Variants in PKP2 observed in about 807,000 individuals in gnomAD.
PKP2 encodes plakophilin 2, also known as plakophilin-2.
Under a neutral mutation model 83.4 loss-of-function variants are expected in PKP2, and 73 were observed. The ratio of observed to expected loss-of-function variants is 0.88; its 90% CI spans 0.72 to 1.06. The LOEUF is 1.06. PKP2 is among the 50% of genes least tolerant of loss of function. PKP2 has a pLI of 0.00. For synonymous variants in PKP2, 409 were observed against 430.4 expected (o/e 0.95, Z 0.62); for missense variants, 966 against 1,065.4 (o/e 0.91, Z 1.30).
At chr12:32,885,157 T>A (rs1157036616) in intron 1 of PKP2, among the ~76,000 whole-genome samples, 1 of 152,210 alleles carries the variant, frequency 6.6e-6, no homozygotes, top group Non-Finnish European at 1.5e-5. Flanking sequence ...GAAGGAGGTC[T>A]GTTTGGATGG....
chr12:32,876,568 C>T (rs1956934146), intron 3 of PKP2, among the ~76,000 whole-genome samples: 1 of 151,724 alleles, frequency 6.6e-6, no homozygotes, highest in Non-Finnish European at 1.5e-5. Flanking sequence ...TCACTGTGTT[C>T]CCCAGGCTGG....
rs556406976 is a variant in PKP2 at position 32,842,985 on chromosome 12, C to CT, written c.1379-1781dup. Among the ~76,000 whole-genome samples, 1,954 of 140,988 alleles carry CT rather than the reference C, an allele frequency of 0.014. 16 individuals carry two copies. Among genetic ancestry groups the CT allele is most frequent in the Middle Eastern group, 0.029 (7 of 242 alleles). The allele number at this position is 140,988 out of a possible 152,430, so 92.5% of individuals were successfully genotyped here. ...ACTGTGCCTGGCCCAGCAATTCCTACTTTTTTTTTTTTGAGACAGAGTCTC... is the reference window on the plus strand; with the variant it reads ...ACTGTGCCTGGCCCAGCAATTCCTACTTTTTTTTTTTTTGAGACAGAGTCTC... On this transcript the variant is annotated intron_variant, in intron 5 of 12. Coordinates refer to ENST00000340811, the MANE Select transcript of PKP2 (RefSeq NM_001005242.3).
Position 32,855,700 on chromosome 12 carries a change from C to T in PKP2, c.1171-4727G>A, listed in dbSNP as rs140152979. 6.0e-3 allele frequency among the ~76,000 whole-genome samples: 824 copies of T among 138,254 alleles called. 10 individuals are homozygous for T. Among genetic ancestry groups the T allele is most frequent in the African/African-American group, 0.021 (768 of 36,764 alleles). The allele number at this position is 138,254 out of a possible 152,430, so 90.7% of individuals were successfully genotyped here. A position where few individuals can be genotyped will look rare whatever the true frequency, so the allele number is the denominator to read the frequency against. On this transcript the variant is annotated intron_variant, in intron 4 of 12. Coordinates refer to ENST00000340811, the MANE Select transcript of PKP2 (RefSeq NM_001005242.3). ...CTGAGGCAGAAGAATTGCTTGAACCCGGGAGGCAGAGGTTGCAGTGAGCCG... is the reference window on the plus strand; with the variant it reads ...CTGAGGCAGAAGAATTGCTTGAACCTGGGAGGCAGAGGTTGCAGTGAGCCG...
At chr12:32,892,916 C>G (rs1957088129) in intron 1 of PKP2, among the ~76,000 whole-genome samples, 1 of 148,728 alleles carries the variant, frequency 6.7e-6, no homozygotes, top group Admixed American at 6.8e-5. Context: ...CCAATACTTG[C>G]AATTCTTAAA....
intron 6 of PKP2, among the ~76,000 whole-genome samples, chr12:32,829,751 C>T (rs1299936775): frequency 6.6e-6 from 1 of 152,042 alleles, no homozygotes; most frequent in Non-Finnish European, 1.5e-5. Flanking sequence ...ACCTCCGCTG[C>T]CCAAGTTCAA....
At chr12:32,806,454 G>A (rs1168733769) in intron 9 of PKP2, among the ~76,000 whole-genome samples, 4 of 152,212 alleles carry the variant, frequency 2.6e-5, no homozygotes, top group African/African-American at 7.2e-5. Flanking sequence ...AGGTGTATGC[G>A]TCCAGGAGTT....
chr12:32,821,869 A>C (rs1306590875), intron 8 of PKP2: 29 of 314,890 alleles, frequency 9.2e-5, no homozygotes, highest in Middle Eastern at 1.1e-3. Context: ...TAGATAAGAA[A>C]AACAGGCCTG....
intron 9 of PKP2, among the ~76,000 whole-genome samples, chr12:32,815,602 C>T (rs968109340): frequency 2.6e-5 from 4 of 152,132 alleles, no homozygotes; most frequent in African/African-American, 7.2e-5. Context: ...AATAAAGTCA[C>T]AAAATATTTC....
Position 32,821,499 on chromosome 12 carries a change from T to C in PKP2, c.1870A>G (p.Lys624Glu). ...QYQDVPMPEE[K>E]SNPKGVEWLW... ...CACTCCACGCCCTTGGGGTTGCTCTTTTCCTCCGGCATCGGCACGTCCTGG... is the reference window on the plus strand; with the variant it reads ...CACTCCACGCCCTTGGGGTTGCTCTCTTCCTCCGGCATCGGCACGTCCTGG... The change falls in exon 9 of 13, where the codon AAG becomes GAG. Residue 624 changes from lysine to glutamate, a missense_variant. By Grantham distance (56) the Lys-to-Glu change is moderately conservative (BLOSUM62 1). Transcript: ENST00000340811. 1 of 1,614,014 alleles carries C rather than the reference T, an allele frequency of 6.2e-7. No individual in the cohort carries two copies. The highest frequency in any genetic ancestry group is 1.3e-5 in the African/African-American group (1 of 74,996).
At chr12:32,842,005 T>C (rs1229012984) in intron 5 of PKP2, among the ~76,000 whole-genome samples, 1 of 152,190 alleles carries the variant, frequency 6.6e-6, no homozygotes, top group Non-Finnish European at 1.5e-5. Context: ...AAAGACCATA[T>C]AGGCCAATCC....
At chr12:32,797,560 C>CTTTGTTTTTT (rs1956138561) in intron 10 of PKP2, among the ~76,000 whole-genome samples, 1 of 132,742 alleles carries the variant, frequency 7.5e-6, no homozygotes, top group Non-Finnish European at 1.6e-5. Flanking sequence ...GAACTAAAAT[C>CTTTGTTTTTT]TTTTTTTTTT....
At chr12:32,794,435 G>A (rs1956103017) in intron 11 of PKP2, among the ~76,000 whole-genome samples, 1 of 152,212 alleles carries the variant, frequency 6.6e-6, no homozygotes. Context: ...TAAGGAAAGA[G>A]CAGCAGACAC....
At chr12:32,802,588 T>C (rs754598715) in intron 9 of PKP2, 32 bp from the exon 10 acceptor site, 1 of 1,595,860 alleles carries the variant, frequency 6.3e-7, no homozygotes, top group Non-Finnish European at 8.6e-7. Flanking sequence ...ATAAGTGCTA[T>C]TGTATTTGAT....
At position 32,862,392 on chromosome 12, in the gene PKP2, A is replaced by G. The variant is rs1212559873; in HGVS notation, c.1170+6535T>C. 2.6e-5 allele frequency among the ~76,000 whole-genome samples: 4 copies of G among 152,220 alleles called. No homozygotes were observed. The East Asian group carries it at 5.8e-4, about 22-fold the overall frequency. Reference sequence around the variant, plus strand: ...CCAGGCATGGTGGCTCACACCTGCAATCCCAGCACTTTGGGAGGCCAAGGC... The same window carrying G: ...CCAGGCATGGTGGCTCACACCTGCAGTCCCAGCACTTTGGGAGGCCAAGGC... On this transcript the variant is annotated intron_variant, in intron 4 of 12. Coordinates refer to ENST00000340811, the MANE Select transcript of PKP2 (RefSeq NM_001005242.3).
In PKP2 at chr12:32,792,094, T is replaced by C. The variant is rs375759731; in HGVS notation, c.*330A>G. 2.4e-4 allele frequency: 92 copies of C among 376,884 alleles called. No homozygotes were observed. The highest frequency in any genetic ancestry group is 8.5e-4 in the Middle Eastern group (1 of 1,176). 23.3% of individuals were successfully genotyped at this position (376,884 alleles called of 1,614,324 possible). On this transcript the variant is annotated 3_prime_UTR_variant, in exon 13 of 13. Coordinates refer to ENST00000340811, the MANE Select transcript of PKP2 (RefSeq NM_001005242.3). ...GTAAATCAAACTTTTAAAATCCCAG[T>C]AATGCAACAGCTTCTTTCCTTATTT...
chr12:32,892,310 A>C (rs1368159907), intron 1 of PKP2, among the ~76,000 whole-genome samples: 1 of 147,136 alleles, frequency 6.8e-6, no homozygotes, highest in South Asian at 2.2e-4. Flanking sequence ...TCTCTCCAGA[A>C]TTCACTTTTT....
chr12:32,840,924 T>G, intron 6 of PKP2, 104 bp downstream of exon 6: 1 of 805,372 alleles, frequency 1.2e-6, no homozygotes, highest in East Asian at 2.4e-5. Context: ...TCAAACAAAC[T>G]GTGTAACTAG....
rs558480577 is a variant in PKP2, at chr12:32,869,686, T to G, written c.1035-624A>C. ...AGCAACTTTAAAGGCACAATAAGAC[T>G]TTTAAAAGAATCCAAAAGAAATCTG... On this transcript the variant is annotated intron_variant, in intron 3 of 12. Transcript: ENST00000340811. Among the ~76,000 whole-genome samples the G allele has an allele frequency of 1.8e-4, 28 of 152,242 alleles. No homozygotes were observed. The South Asian group carries it at 5.6e-3, about 30-fold the overall frequency.
intron 6 of PKP2, chr12:32,824,414 A>T (rs1443834409): frequency 8.4e-6 from 4 of 475,810 alleles, no homozygotes; most frequent in Admixed American, 3.4e-5. Context: ...CCATGATCAA[A>T]ACATTATTTA....
Sources: gnomAD v4.1 joint callset for allele counts (sites outside exome capture counted in the v4.1 genomes callset) on GRCh38, gnomAD v4.1.1 for gene constraint, MANE v1.5 for transcripts, NCBI Gene and HGNC (gene_info 2026-07-23, HGNC 2026-07-21) for gene names.